The following FBXO7 variants were observed in gnomAD, a reference collection of about 807,000 sequenced individuals.
FBXO7 encodes the protein F-box only protein 7.
In FBXO7, 31 loss-of-function variants were observed where a neutral mutation model predicts 50.2. That is an observed-to-expected ratio of 0.62 (90% CI 0.46 to 0.83). FBXO7 has a LOEUF of 0.83. FBXO7 is among the 40% of genes least tolerant of loss of function. The probability of loss-of-function intolerance (pLI) is 0.00; values close to 1 mark genes in which losing one functional copy is unlikely to be tolerated. For missense variants in FBXO7, 667 were observed against 646.6 expected, an observed-to-expected ratio of 1.03 and a Z score of -0.34; for synonymous variants, 256 against 253.1, an observed-to-expected ratio of 1.01 and a Z score of -0.11.
chr22:32,491,703 G>C (rs1414410810), intron 6 of FBXO7: 1 of 151,470 alleles, frequency 6.6e-6, no homozygotes, highest in African/African-American at 2.4e-5. Flanking sequence ...CAGGCACTTA[G>C]TTGGATATTT....
intron 1 of FBXO7, among the ~76,000 whole-genome samples, chr22:32,476,429 G>A (rs1185288954): frequency 3.3e-5 from 5 of 152,084 alleles, no homozygotes; most frequent in Admixed American, 6.5e-5. Context: ...GTCTTGAAAG[G>A]ACGTGAAACT....
Position 32,475,071 on chromosome 22 carries a change from G to C in FBXO7, c.69G>C (p.Leu23=), listed in dbSNP as rs1233571018. 5 of 1,546,344 alleles carry C rather than the reference G, an allele frequency of 3.2e-6. No homozygotes were observed. The highest frequency in any genetic ancestry group is 2.8e-5 in the African/African-American group (2 of 72,622). The change falls in exon 1 of 9, where the codon CTG becomes CTC. Residue 23 remains leucine, a synonymous_variant. Transcript: ENST00000266087. ...PLEVPETEPT[L]GHLRSHLRQS... is the part of the protein sequence containing the mutation. Reference sequence around the variant, plus strand: ...AGGTGCCCGAGACGGAGCCGACGCTGGGGCATTTGCGCTCGCACCTGAGGC... The same window carrying C: ...AGGTGCCCGAGACGGAGCCGACGCTCGGGCATTTGCGCTCGCACCTGAGGC...
chr22:32,477,009 T>G (rs2057433440), intron 1 of FBXO7, among the ~76,000 whole-genome samples: 1 of 152,252 alleles, frequency 6.6e-6, no homozygotes. Flanking sequence ...AGCAACCTTT[T>G]GCTGTGACAA....
intron 5 of FBXO7, chr22:32,488,039 A>G (rs556360569): frequency 1.9e-6 from 1 of 522,298 alleles, no homozygotes; most frequent in Non-Finnish European, 3.4e-6. Context: ...TGTTTTTCTT[A>G]GGGTCATAGT....
intron 6 of FBXO7, 144 bp downstream of exon 6, chr22:32,491,325 T>A (rs2057534011): frequency 7.8e-6 from 5 of 639,146 alleles, no homozygotes; most frequent in Non-Finnish European, 1.4e-5. Flanking sequence ...TTAATATTCC[T>A]TAAGTGCTAT....
At chr22:32,487,694 AGTT>A in intron 4 of FBXO7, 48 bp from the exon 5 acceptor site, 1 of 1,165,264 alleles carries the variant, frequency 8.6e-7, no homozygotes, top group Non-Finnish European at 1.3e-6. Context: ...AAAGAAAGGC[AGTT>A]GATGAAGTGA....
chr22:32,483,976 C>G lies in FBXO7; in HGVS notation c.497C>G (p.Ser166Ter), dbSNP rs779737534. 1 of 1,614,208 alleles carries G rather than the reference C, an allele frequency of 6.2e-7. No homozygotes were observed. Among genetic ancestry groups the G allele is most frequent in the South Asian group, 1.1e-5 (1 of 91,084 alleles). The change falls in exon 3 of 9, where the codon TCA becomes TGA. Residue 166 changes from serine to a stop codon, truncating the protein, a stop_gained. Coordinates refer to ENST00000266087, the MANE Select transcript of FBXO7 (RefSeq NM_012179.4). LOFTEE classifies it high-confidence loss of function. Reference protein sequence around the residue: ...HMAEGTGFYPSEPMLCSESVE... With the variant: ...HMAEGTGFYP Reference sequence around the variant, plus strand: ...GCAGAGGGCACAGGTTTCTATCCCTCAGAACCCATGCTCTGTAGTGAATCG... The same window carrying G: ...GCAGAGGGCACAGGTTTCTATCCCTGAGAACCCATGCTCTGTAGTGAATCG...
intron 6 of FBXO7, 153 bp downstream of exon 6, chr22:32,491,334 A>G (rs1310744257): frequency 1.1e-5 from 7 of 613,832 alleles, no homozygotes; most frequent in Admixed American, 2.9e-5. Flanking sequence ...CTTAAGTGCT[A>G]TTTACTTTAT....
At chr22:32,478,066 A>G (rs2057440124) in intron 1 of FBXO7, 1 of 152,324 alleles carries the variant, frequency 6.6e-6, no homozygotes. Flanking sequence ...AAGATCTGGA[A>G]GAACAAACGG....
intron 8 of FBXO7, among the ~76,000 whole-genome samples, chr22:32,495,919 C>A (rs1457774444): frequency 6.6e-6 from 1 of 152,162 alleles, no homozygotes; most frequent in Non-Finnish European, 1.5e-5. Context: ...GGTGGAGCAG[C>A]AAGTGCTGAT....
chr22:32,483,812 A>G, intron 2 of FBXO7, 85 bp from the exon 3 acceptor site: 1 of 1,215,764 alleles, frequency 8.2e-7, no homozygotes. Flanking sequence ...TTTGACTTTC[A>G]GCACTTAGTT....
chr22:32,484,000 C>T lies in FBXO7; in HGVS notation c.521C>T (p.Ser174Leu), dbSNP rs376455464. The T allele has an allele frequency of 1.7e-5, 27 of 1,613,998 alleles. No individual in the cohort carries two copies. The highest frequency in any genetic ancestry group is 8.0e-5 in the African/African-American group (6 of 74,898). The change falls in exon 3 of 9, where the codon TCG becomes TTG. Residue 174 changes from serine (S) to leucine (L), a missense_variant. Physicochemically the swap from Ser to Leu is moderately radical, Grantham distance 145. Transcript: ENST00000266087. The stretch of plus-strand genomic sequence containing the variant: ...TCAGAACCCATGCTCTGTAGTGAAT[C>T]GGTGGAAGGGCAAGTGCCACATTCA... ...YPSEPMLCSESVEGQVPHSLE... is the reference protein window; with the variant it reads ...YPSEPMLCSELVEGQVPHSLE...
chr22:32,484,116 A>C lies in FBXO7; in HGVS notation c.637A>C (p.Ile213Leu). The C allele has an allele frequency of 6.2e-7, 1 of 1,612,690 alleles. No individual in the cohort carries two copies. Among genetic ancestry groups the C allele is most frequent in the South Asian group, 1.1e-5 (1 of 91,054 alleles). ...TCTTCTCATGTTGGAGTCAGGTTAC[A>C]TACCTCAGGTAAGTACTGCAAGCAA... is the stretch of plus-strand genomic sequence containing the variant. ...IHLLMLESGY[I>L]PQGTEAKALS... is the part of the protein sequence containing the mutation. The change falls in exon 3 of 9, where the codon ATA becomes CTA. Residue 213 changes from isoleucine to leucine, a missense_variant. Transcript: ENST00000266087.
At chr22:32,480,196 TA>T (rs2057455701) in intron 2 of FBXO7, among the ~76,000 whole-genome samples, 1 of 152,192 alleles carries the variant, frequency 6.6e-6, no homozygotes, top group African/African-American at 2.4e-5. Flanking sequence ...CTGTCTTTCA[TA>T]ACTCTATCTC....
intron 1 of FBXO7, chr22:32,475,634 T>G: frequency 1.9e-6 from 1 of 534,810 alleles, no homozygotes; most frequent in Non-Finnish European, 3.2e-6. Flanking sequence ...CGGTAGCTTG[T>G]ATCGCTGCTG....
chr22:32,489,029 C>G (rs2057517768), intron 5 of FBXO7: 1 of 152,156 alleles, frequency 6.6e-6, no homozygotes, highest in Non-Finnish European at 1.5e-5. Context: ...CCAGGCTGGT[C>G]TCGAACTCCT....
Position 32,498,632 on chromosome 22 carries a change from G to A in FBXO7, c.*102G>A. 1 of 1,404,458 alleles carries A rather than the reference G, an allele frequency of 7.1e-7. No homozygotes were observed. 87.0% of individuals were successfully genotyped at this position (1,404,458 alleles called of 1,614,324 possible). On this transcript the variant is annotated 3_prime_UTR_variant, in exon 9 of 9. Coordinates refer to ENST00000266087, the MANE Select transcript of FBXO7 (RefSeq NM_012179.4). ...ATCTCGAGTGTTATTTTCTGATTGT[G>A]GTGTTGAGAGTTGCACTCCCAGAAA...
chr22:32,494,124 AAAAG>A (rs1002989942), intron 7 of FBXO7, among the ~76,000 whole-genome samples: 1 of 150,078 alleles, frequency 6.7e-6, no homozygotes, highest in Non-Finnish European at 1.5e-5. Flanking sequence ...AAAAAAAAAA[AAAAG>A]AATATCATGT....
intron 1 of FBXO7, among the ~76,000 whole-genome samples, chr22:32,477,004 C>T (rs1420735598): frequency 6.6e-6 from 1 of 152,150 alleles, no homozygotes; most frequent in Non-Finnish European, 1.5e-5. Flanking sequence ...TAAAAAGCAA[C>T]CTTTTGCTGT....
Sources: allele counts gnomAD v4.1 joint callset (sites outside exome capture counted in the v4.1 genomes callset), GRCh38; gene constraint gnomAD v4.1.1; transcripts MANE v1.5; gene names NCBI Gene and HGNC (gene_info 2026-07-23, HGNC 2026-07-21).